The following THSD7B variants were observed in gnomAD, a reference collection of about 807,000 sequenced individuals.
The protein encoded by THSD7B is thrombospondin type-1 domain-containing protein 7B.
THSD7B carries 138 observed loss-of-function variants against 213.6 expected under a neutral mutation model. The ratio of observed to expected loss-of-function variants is 0.65; its 90% CI spans 0.56 to 0.74. The LOEUF (loss-of-function observed/expected upper bound fraction) is 0.74. Ranked by LOEUF, THSD7B falls within the 30% of genes least tolerant of loss-of-function variation. The probability of loss-of-function intolerance (pLI) is 0.00; values close to 1 mark genes in which losing one functional copy is unlikely to be tolerated. For missense variants in THSD7B, 1,931 were observed against 1,991.5 expected (o/e 0.97, Z 0.58); for synonymous variants, 742 against 687.0 (o/e 1.08, Z -1.25).
At chr2:137,149,252 G>T (rs1333031459) in intron 5 of THSD7B, among the ~76,000 whole-genome samples, 3 of 152,206 alleles carry the variant, frequency 2.0e-5, no homozygotes, top group Non-Finnish European at 2.9e-5. Flanking sequence ...GATTTCAGAG[G>T]ATATATGAGA....
chr2:137,380,949 C>T (rs1685760417), intron 12 of THSD7B, among the ~76,000 whole-genome samples: 1 of 152,208 alleles, frequency 6.6e-6, no homozygotes, highest in African/African-American at 2.4e-5. Flanking sequence ...ATGGCTTGTG[C>T]CACGGTGTGT....
At chr2:137,137,204 G>T (rs2104960078) in intron 5 of THSD7B, among the ~76,000 whole-genome samples, 1 of 152,230 alleles carries the variant, frequency 6.6e-6, no homozygotes, top group East Asian at 1.9e-4. Flanking sequence ...TGTATATTTT[G>T]CTGGGTGCCT....
chr2:136,945,893 A>T (rs1684928177), intron 2 of THSD7B, among the ~76,000 whole-genome samples: 2 of 151,870 alleles, frequency 1.3e-5, no homozygotes, highest in Admixed American at 1.3e-4. Flanking sequence ...GTTCCTTGTG[A>T]TGGGTTTGAA....
At chr2:137,061,036 GT>G (rs75985938) in intron 3 of THSD7B, among the ~76,000 whole-genome samples, 14,238 of 151,544 alleles carry the variant, frequency 0.094, 902 homozygotes, top group African/African-American at 0.18. Context: ...GTCTTGGAGG[GT>G]TTTTTAAAAA....
intron 27 of THSD7B, among the ~76,000 whole-genome samples, chr2:137,668,298 A>AGTTCTTAAATTTT (rs947918028): frequency 1.3e-5 from 2 of 152,262 alleles, no homozygotes; most frequent in African/African-American, 2.4e-5. Flanking sequence ...AGATTATTTT[A>AGTTCTTAAATTTT]GTTCTTAAAT....
In THSD7B at chr2:137,484,011, C is replaced by CT. The variant is rs201443554; in HGVS notation, c.3138+32998dup. ...TCCAGACATGCTCGGTTTGAGGTTTCTTTTTTTTTTATTTTATTATTATTA... is the reference window on the plus strand; with the variant it reads ...TCCAGACATGCTCGGTTTGAGGTTTCTTTTTTTTTTTATTTTATTATTATTA... On this transcript the variant is annotated intron_variant, in intron 15 of 27. Coordinates refer to ENST00000409968, the MANE Select transcript of THSD7B (RefSeq NM_001316349.2). 1.6e-3 allele frequency among the ~76,000 whole-genome samples: 240 copies of CT among 146,266 alleles called. 4 individuals carry two copies. The East Asian group carries it at 0.02, about 12-fold the overall frequency.
chr2:137,234,823 TA>T (rs1681728955), intron 9 of THSD7B, among the ~76,000 whole-genome samples: 1 of 150,192 alleles, frequency 6.7e-6, no homozygotes, highest in Non-Finnish European at 1.5e-5. Flanking sequence ...TCTCCCATGA[TA>T]AATTTTGTTA....
intron 2 of THSD7B, among the ~76,000 whole-genome samples, chr2:136,951,872 T>G (rs1372358153): frequency 6.6e-6 from 1 of 152,172 alleles, no homozygotes; most frequent in Non-Finnish European, 1.5e-5. Context: ...ATTGGTTTGT[T>G]TGTTTTTGTT....
intron 2 of THSD7B, among the ~76,000 whole-genome samples, chr2:136,888,023 A>C (rs934835063): frequency 3.9e-5 from 6 of 152,188 alleles, no homozygotes; most frequent in African/African-American, 1.4e-4. Flanking sequence ...TCATTGTTGT[A>C]TAATAATTTC....
At chr2:136,882,701 G>T (rs1161054804) in intron 2 of THSD7B, among the ~76,000 whole-genome samples, 1 of 152,160 alleles carries the variant, frequency 6.6e-6, no homozygotes, top group Non-Finnish European at 1.5e-5. Flanking sequence ...GTTTAAACTA[G>T]TTAGCTATTT....
chr2:137,091,765 C>T (rs115945908), intron 3 of THSD7B, among the ~76,000 whole-genome samples: 257 of 152,234 alleles, frequency 1.7e-3, no homozygotes, highest in African/African-American at 6.0e-3. Flanking sequence ...GTCACTCTAT[C>T]TCCAAATAAG....
At chr2:137,004,285 G>A (rs1280821013) in intron 2 of THSD7B, among the ~76,000 whole-genome samples, 1 of 143,630 alleles carries the variant, frequency 7.0e-6, no homozygotes, top group Non-Finnish European at 1.5e-5. Context: ...GACCCAGTGT[G>A]TGTGCACACG....
chr2:137,039,610 G>C (rs1422048362), intron 2 of THSD7B, among the ~76,000 whole-genome samples: 1 of 152,172 alleles, frequency 6.6e-6, no homozygotes, highest in Non-Finnish European at 1.5e-5. Context: ...TATTCATTCA[G>C]GTCCCTCCAT....
At chr2:137,304,650 G>A (rs1223317821) in intron 12 of THSD7B, among the ~76,000 whole-genome samples, 1 of 151,932 alleles carries the variant, frequency 6.6e-6, no homozygotes, top group Non-Finnish European at 1.5e-5. Context: ...GTATATGTAT[G>A]CTATTGTTTT....
chr2:137,565,737 C>T (rs930068018), intron 16 of THSD7B, among the ~76,000 whole-genome samples: 2 of 152,150 alleles, frequency 1.3e-5, no homozygotes, highest in African/African-American at 4.8e-5. Flanking sequence ...GAGGGCATCA[C>T]ATGGAGAGAA....
At chr2:137,026,486 C>A (rs1271947848) in intron 2 of THSD7B, among the ~76,000 whole-genome samples, 1 of 152,114 alleles carries the variant, frequency 6.6e-6, no homozygotes, top group Admixed American at 6.6e-5. Context: ...ATTTGAGAGT[C>A]CATGGTTTTT....
At chr2:137,384,485 T>C (rs1255163029) in intron 12 of THSD7B, among the ~76,000 whole-genome samples, 2 of 151,670 alleles carry the variant, frequency 1.3e-5, no homozygotes, top group South Asian at 2.1e-4. Flanking sequence ...CCAGCATGGG[T>C]GAAGGAAGGG....
intron 15 of THSD7B, chr2:137,538,453 G>A (rs1317826492): frequency 4.0e-6 from 2 of 505,142 alleles, no homozygotes; most frequent in African/African-American, 2.0e-5. Flanking sequence ...TTTCCCTTTT[G>A]CTTATCATGC....
chr2:137,371,972 T>C (rs932621532), intron 12 of THSD7B, among the ~76,000 whole-genome samples: 1 of 152,190 alleles, frequency 6.6e-6, no homozygotes, highest in Non-Finnish European at 1.5e-5. Context: ...GACATTGTCC[T>C]CAGGTATCTG....
Sources: allele counts gnomAD v4.1 joint callset (sites outside exome capture counted in the v4.1 genomes callset), GRCh38; gene constraint gnomAD v4.1.1; transcripts MANE v1.5; gene names NCBI Gene and HGNC (gene_info 2026-07-23, HGNC 2026-07-21).